Variants in ZNF41 observed in about 807,000 individuals in gnomAD.
ZNF41 encodes zinc finger protein 41.
A neutral mutation model predicts 9.3 loss-of-function variants in ZNF41; 6 were observed. That is an observed-to-expected ratio of 0.65 (90% CI 0.35 to 1.28). The LOEUF (loss-of-function observed/expected upper bound fraction) is 1.28, where lower values mean the gene tolerates loss of function less well. Among genes scored for constraint, ZNF41 ranks in the 50% most tolerant of loss-of-function variants. The pLI is 0.03. For missense variants in ZNF41, 523 were observed against 585.8 expected (o/e 0.89, Z 1.11); for synonymous variants, 192 against 207.1 (o/e 0.93, Z 0.63).
chrX:47,467,579 G>A lies in ZNF41; in HGVS notation c.-98C>T. ...GGCATCTGTGGACTCAACCGGAGCTGCTGGGGCGAGGCAAGCAGGGGTCAG... is the reference window on the plus strand; with the variant it reads ...GGCATCTGTGGACTCAACCGGAGCTACTGGGGCGAGGCAAGCAGGGGTCAG... On this transcript the variant is annotated 5_prime_UTR_variant, in exon 2 of 5. Transcript: ENST00000684689. The A allele has an allele frequency of 9.6e-7, 1 of 1,042,962 alleles. No homozygotes were observed. Among genetic ancestry groups the A allele is most frequent in the South Asian group, 2.0e-5 (1 of 49,420 alleles). 86.0% of individuals were successfully genotyped at this position (1,042,962 alleles called of 1,213,427 possible).
Position 47,456,000 on chromosome X carries a change from C to G in ZNF41, c.216G>C (p.Lys72Asn). Residue 72 changes from lysine (K) to asparagine (N), a missense_variant, in exon 4 of 5, where the codon AAG becomes AAC. By Grantham distance (94) the Lys-to-Asn change is moderately conservative (BLOSUM62 0). Coordinates refer to ENST00000684689, the MANE Select transcript of ZNF41 (RefSeq NM_001324144.2). ...GCTCCAACTTGAAGGCAGCCTCTGA[C>G]TTGGGAATTTGGTACCCTGTTAACA... is the stretch of plus-strand genomic sequence containing the variant. The part of the protein sequence containing the change: ...HLLSVGYQIP[K>N]SEAAFKLEQG... The G allele has an allele frequency of 8.3e-7, 1 of 1,211,581 alleles. No homozygotes were observed. The highest frequency in any genetic ancestry group is 1.7e-5 in the African/African-American group (1 of 57,811).
At chrX:47,461,329 C>T (rs2056782554) in intron 2 of ZNF41, among the ~76,000 whole-genome samples, 1 of 110,000 alleles carries the variant, frequency 9.1e-6, no homozygotes. Context: ...AACTCCTGAC[C>T]TCAGGTGATC....
intron 2 of ZNF41, among the ~76,000 whole-genome samples, chrX:47,463,897 G>A (rs370099872): frequency 1.3e-4 from 14 of 111,298 alleles, no homozygotes; most frequent in African/African-American, 3.9e-4. Flanking sequence ...TCTCTGGGTC[G>A]TATTTCACAT....
chrX:47,447,903 T>C lies in ZNF41; in HGVS notation c.1867A>G (p.Ile623Val), dbSNP rs769870519. The C allele has an allele frequency of 8.3e-7, 1 of 1,211,589 alleles. No individual in the cohort carries two copies. The highest frequency in any genetic ancestry group is 1.1e-6 in the Non-Finnish European group (1 of 895,507). Residue 623 changes from isoleucine to valine, a missense_variant, in exon 5 of 5, where the codon ATT becomes GTT. Ile to Val is a conservative substitution (Grantham distance 29). Coordinates refer to ENST00000684689, the MANE Select transcript of ZNF41 (RefSeq NM_001324144.2). ...GKAFIQKSHF[I>V]AHHRIHTGEK... ...CCAGTATGGATTCTATGATGCGCAA[T>C]GAAGTGCGATTTCTGGATAAAGGCC...
chrX:47,456,961 C>T (rs1199373314), intron 2 of ZNF41, among the ~76,000 whole-genome samples: 2 of 111,397 alleles, frequency 1.8e-5, no homozygotes, highest in African/African-American at 3.3e-5. Context: ...GGAAAGGAGT[C>T]TGTATAGTAT....
chrX:47,460,822 G>T (rs2056757132), intron 2 of ZNF41, among the ~76,000 whole-genome samples: 1 of 111,500 alleles, frequency 9.0e-6, no homozygotes, highest in Non-Finnish European at 1.9e-5. Flanking sequence ...CTACAACTGT[G>T]CTGGAAAGTA....
intron 2 of ZNF41, among the ~76,000 whole-genome samples, chrX:47,462,353 G>T (rs969215315): frequency 3.6e-5 from 4 of 110,375 alleles, no homozygotes; most frequent in Non-Finnish European, 7.6e-5. Flanking sequence ...TGCTCCCTTT[G>T]CTGGTCGTTG....
At chrX:47,451,310 G>GCT (rs754897937) in intron 4 of ZNF41, among the ~76,000 whole-genome samples, 1 of 112,176 alleles carries the variant, frequency 8.9e-6, no homozygotes, top group South Asian at 3.7e-4. Context: ...TTTTCTACAT[G>GCT]CTCCACTTCA....
intron 1 of ZNF41, among the ~76,000 whole-genome samples, chrX:47,468,536 T>A (rs2057066650): frequency 9.0e-6 from 1 of 111,178 alleles, no homozygotes. Flanking sequence ...TCCCAAATGG[T>A]GTCATCAACT....
At chrX:47,471,236 C>A (rs931713159) in intron 1 of ZNF41, among the ~76,000 whole-genome samples, 2 of 110,614 alleles carry the variant, frequency 1.8e-5, no homozygotes, top group South Asian at 3.8e-4. Flanking sequence ...ATCACCTGAG[C>A]TCAGGAGTTC....
At chrX:47,467,200 T>C in intron 2 of ZNF41, 1 of 802,536 alleles carries the variant, frequency 1.2e-6, no homozygotes, top group East Asian at 3.5e-5. Context: ...CATTACACTG[T>C]CCACTGAAAC....
rs144970008 is a variant in ZNF41 at position 47,447,773 on chromosome X, G to A, written c.1997C>T (p.Ala666Val). 3.3e-3 allele frequency: 3,938 copies of A among 1,209,939 alleles called. 11 individuals are homozygous for A. Among genetic ancestry groups the A allele is most frequent in the South Asian group, 9.9e-3 (560 of 56,817 alleles). ...IHTGEKPNIC[A>V]ECGKAFTDRS... ...GTCAGTGAAGGCCTTTCCACATTCA[G>A]CACATATATTGGGCTTCTCACCTGT... Residue 666 changes from alanine to valine, a missense_variant, in exon 5 of 5, where the codon GCT becomes GTT. Ala to Val is a moderately conservative substitution (Grantham distance 64). Coordinates refer to ENST00000684689, the MANE Select transcript of ZNF41 (RefSeq NM_001324144.2).
At chrX:47,455,822 A>G in intron 4 of ZNF41, 99 bp downstream of exon 4, 1 of 820,246 alleles carries the variant, frequency 1.2e-6, no homozygotes, top group Non-Finnish European at 1.8e-6. Flanking sequence ...AGAACTTTCA[A>G]GATGGGTTAT....
intron 1 of ZNF41, among the ~76,000 whole-genome samples, chrX:47,470,058 A>G (rs891559389): frequency 9.0e-6 from 1 of 111,313 alleles, no homozygotes; most frequent in Admixed American, 9.7e-5. Context: ...AAATTGATTA[A>G]AAAATAATCA....
At position 47,447,453 on chromosome X, in the gene ZNF41, T is replaced by C; in HGVS notation, c.2317A>G (p.Lys773Glu). The C allele has an allele frequency of 4.1e-6, 5 of 1,211,585 alleles. No homozygotes were observed. Among genetic ancestry groups the C allele is most frequent in the Non-Finnish European group, 5.6e-6 (5 of 895,545 alleles). ...TCTCAGTCACTGGCTTTATAGCGTT[T>C]TTCTCCACTATGCATTTTCTGGTGT... Reference protein sequence around the residue: ...IKHQKMHSGEKRYKASD With the variant: ...IKHQKMHSGEERYKASD Residue 773 changes from lysine (K) to glutamate (E), a missense_variant, in exon 5 of 5, where the codon AAA becomes GAA. Transcript: ENST00000684689.
intron 3 of ZNF41, 53 bp from the exon 4 acceptor site, chrX:47,456,069 C>A (rs2056551246): frequency 9.0e-7 from 1 of 1,116,400 alleles, no homozygotes; most frequent in South Asian, 1.8e-5. Context: ...GTTTCAGGGG[C>A]CTTTCAGTGA....
intron 1 of ZNF41, among the ~76,000 whole-genome samples, chrX:47,470,843 G>C (rs143943617): frequency 8.9e-4 from 99 of 111,521 alleles, no homozygotes; most frequent in African/African-American, 3.1e-3. Context: ...GTTGAATTCT[G>C]CTACAAAAGA....
At chrX:47,462,938 T>C (rs6608723) in intron 2 of ZNF41, among the ~76,000 whole-genome samples, 10 of 58,194 alleles carry the variant, frequency 1.7e-4, no homozygotes, top group Non-Finnish European at 3.8e-5. Context: ...CACACACATA[T>C]ATATATATAC....
chrX:47,469,341 AAGAC>A (rs1336307462), intron 1 of ZNF41, among the ~76,000 whole-genome samples: 9 of 94,118 alleles, frequency 9.6e-5, no homozygotes, highest in South Asian at 1.0e-3. Flanking sequence ...AAAAAAAAAA[AAGAC>A]AGACAATTTT....
Sources: allele counts gnomAD v4.1 joint callset (sites outside exome capture counted in the v4.1 genomes callset), GRCh38; gene constraint gnomAD v4.1.1; transcripts MANE v1.5; gene names NCBI Gene and HGNC (gene_info 2026-07-23, HGNC 2026-07-21).